NTM: variants seen among roughly 807,000 people sequenced by gnomAD.
NTM encodes IgLON family member 2.
A neutral mutation model predicts 42.1 loss-of-function variants in NTM; 13 were observed. That is an observed-to-expected ratio of 0.31 (90% confidence interval 0.20 to 0.49). NTM has a LOEUF of 0.49. Ranked by LOEUF, NTM falls within the 20% of genes least tolerant of loss-of-function variation. NTM has a pLI of 0.99. For missense variants in NTM, 373 were observed against 452.8 expected (o/e 0.82, Z 1.60); for synonymous variants, 187 against 179.2 (o/e 1.04, Z -0.35).
intron 3 of NTM, among the ~76,000 whole-genome samples, chr11:132,179,288 C>G (rs1442726894): frequency 6.6e-6 from 1 of 152,160 alleles, no homozygotes; most frequent in Non-Finnish European, 1.5e-5. Context: ...GATTGAGAGT[C>G]TGCCAATCCA....
intron 3 of NTM, among the ~76,000 whole-genome samples, chr11:132,184,524 G>A (rs1055081629): frequency 1.3e-5 from 2 of 152,116 alleles, no homozygotes; most frequent in Non-Finnish European, 1.5e-5. Flanking sequence ...GCAGGACACA[G>A]GAAATTCTTT....
At chr11:132,273,633 G>A (rs369421533) in intron 4 of NTM, among the ~76,000 whole-genome samples, 7 of 152,032 alleles carry the variant, frequency 4.6e-5, no homozygotes, top group Non-Finnish European at 7.4e-5. Flanking sequence ...TTGGCTGGGC[G>A]TGGTGGCTCA....
intron 4 of NTM, among the ~76,000 whole-genome samples, chr11:132,291,406 G>A (rs1171467517): frequency 2.0e-5 from 3 of 152,122 alleles, no homozygotes. Flanking sequence ...AACTGAAGGA[G>A]AAGAAAATTT....
chr11:131,974,759 G>A (rs900822744), intron 2 of NTM, among the ~76,000 whole-genome samples: 2 of 152,198 alleles, frequency 1.3e-5, no homozygotes, highest in Non-Finnish European at 2.9e-5. Context: ...TGAAAATTTA[G>A]TGAGATAACA....
chr11:132,044,450 A>G (rs2077697416), intron 2 of NTM, among the ~76,000 whole-genome samples: 1 of 152,176 alleles, frequency 6.6e-6, no homozygotes, highest in Admixed American at 6.5e-5. Context: ...AATAAATTGT[A>G]GAATTCAGTA....
At chr11:131,557,272 A>T (rs1357255079) in intron 1 of NTM, among the ~76,000 whole-genome samples, 1 of 152,128 alleles carries the variant, frequency 6.6e-6, no homozygotes, top group Non-Finnish European at 1.5e-5. Flanking sequence ...GAGTTGGGTA[A>T]GCTGGTCAGA....
intron 4 of NTM, among the ~76,000 whole-genome samples, chr11:132,255,570 C>T (rs1005676648): frequency 6.6e-6 from 1 of 152,214 alleles, no homozygotes. Flanking sequence ...CAGAATGAAG[C>T]TCACTGCCCA....
intron 1 of NTM, among the ~76,000 whole-genome samples, chr11:131,756,113 C>A (rs897119524): frequency 3.3e-5 from 5 of 152,170 alleles, no homozygotes; most frequent in African/African-American, 9.7e-5. Context: ...ACCATCAATA[C>A]CCCACACTCT....
intron 1 of NTM, among the ~76,000 whole-genome samples, chr11:131,891,018 T>TCTCTAGGGCTA (rs1345636626): frequency 6.6e-6 from 1 of 152,222 alleles, no homozygotes; most frequent in Non-Finnish European, 1.5e-5. Context: ...TTGTTTAGAC[T>TCTCTAGGGCTA]ATGTCAGCTC....
intron 1 of NTM, among the ~76,000 whole-genome samples, chr11:131,468,697 C>T (rs569478091): frequency 3.9e-5 from 6 of 152,190 alleles, no homozygotes; most frequent in African/African-American, 7.2e-5. Context: ...AGATGTCTGT[C>T]GAGTTGTTAA....
chr11:131,749,916 C>T (rs955732751), intron 1 of NTM, among the ~76,000 whole-genome samples: 5 of 152,170 alleles, frequency 3.3e-5, no homozygotes, highest in Non-Finnish European at 5.9e-5. Flanking sequence ...GGACATTTCC[C>T]TGTCAGCTGT....
chr11:131,499,815 C>G (rs2046507613), intron 1 of NTM, among the ~76,000 whole-genome samples: 1 of 152,240 alleles, frequency 6.6e-6, no homozygotes, highest in South Asian at 2.1e-4. Context: ...CGTCAATGCG[C>G]TCTGCATTTA....
intron 1 of NTM, among the ~76,000 whole-genome samples, chr11:131,736,640 A>C (rs1200556160): frequency 6.6e-6 from 1 of 152,160 alleles, no homozygotes; most frequent in Admixed American, 6.5e-5. Flanking sequence ...CATATCTGCC[A>C]AAAACCTCTC....
At chr11:131,426,917 C>G (rs1029580521) in intron 1 of NTM, among the ~76,000 whole-genome samples, 1 of 152,156 alleles carries the variant, frequency 6.6e-6, no homozygotes, top group African/African-American at 2.4e-5. Context: ...AGCCTTAGAT[C>G]TCCCTCTTAT....
At chr11:131,375,944 CT>C (rs1236988406) in intron 1 of NTM, among the ~76,000 whole-genome samples, 2 of 152,218 alleles carry the variant, frequency 1.3e-5, no homozygotes, top group Non-Finnish European at 2.9e-5. Flanking sequence ...CTTCTGCCCA[CT>C]CCCCCTACTT....
intron 2 of NTM, among the ~76,000 whole-genome samples, chr11:131,916,222 G>A (rs970481808): frequency 2.6e-5 from 4 of 152,220 alleles, no homozygotes; most frequent in Admixed American, 2.6e-4. Context: ...TGAGGAATCA[G>A]AGAGCCCCAG....
At chr11:132,105,432 TGAGAA>T (rs1018461675) in intron 2 of NTM, among the ~76,000 whole-genome samples, 4 of 151,062 alleles carry the variant, frequency 2.6e-5, no homozygotes, top group Non-Finnish European at 4.4e-5. Context: ...GAGAGAAACA[TGAGAA>T]GAGAAATCAA....
intron 2 of NTM, among the ~76,000 whole-genome samples, chr11:132,071,692 A>G (rs1020994724): frequency 2.4e-4 from 37 of 152,352 alleles, no homozygotes; most frequent in Admixed American, 9.8e-4. Context: ...TCAGTGGGTC[A>G]TGAACCTCCC....
At chr11:131,655,319 TC>T (rs1365669198) in intron 1 of NTM, among the ~76,000 whole-genome samples, 2 of 152,224 alleles carry the variant, frequency 1.3e-5, no homozygotes, top group Non-Finnish European at 2.9e-5. Flanking sequence ...ACCAGAGCTA[TC>T]CTTTGTGTTT....
Sources: allele counts gnomAD v4.1 joint callset (sites outside exome capture counted in the v4.1 genomes callset), GRCh38; gene constraint gnomAD v4.1.1; transcripts MANE v1.5; gene names NCBI Gene and HGNC (gene_info 2026-07-23, HGNC 2026-07-21).